Variants in SUPV3L1 observed in about 807,000 individuals in gnomAD.
The protein encoded by SUPV3L1 is ATP-dependent RNA helicase SUPV3L1, mitochondrial.
SUPV3L1 carries 35 observed loss-of-function variants against 70.0 expected under a neutral mutation model. The observed-to-expected ratio is 0.50, with a 90% CI of 0.38 to 0.66. The LOEUF (loss-of-function observed/expected upper bound fraction) is 0.66, where lower values mean the gene tolerates loss of function less well. Among genes scored for constraint, SUPV3L1 ranks in the 30% least tolerant of loss-of-function variants. SUPV3L1 has a pLI of 0.00. For missense variants in SUPV3L1, 777 were observed against 961.5 expected (o/e 0.81, Z 2.54); for synonymous variants, 364 against 341.9 (o/e 1.06, Z -0.71).
chr10:69,208,871 C>G lies in SUPV3L1; in HGVS notation c.2197C>G (p.Leu733Val). 1.2e-6 allele frequency: 2 copies of G among 1,614,108 alleles called. No homozygotes were observed. The highest frequency in any genetic ancestry group is 1.7e-6 in the Non-Finnish European group (2 of 1,180,016). The change falls in exon 15 of 15, where the codon CTT (leucine) becomes GTT (valine). Residue 733 changes from leucine (L) to valine (V), a missense_variant. Leu to Val is a conservative substitution (Grantham distance 32). Transcript: ENST00000359655. ...PPSPDAGELS[L>V]ASRLVQQGLL... Reference sequence around the variant, plus strand: ...CAGCCCCGATGCAGGAGAGCTGTCCCTTGCTTCCAGATTGGTGCAGCAAGG... The same window carrying G: ...CAGCCCCGATGCAGGAGAGCTGTCCGTTGCTTCCAGATTGGTGCAGCAAGG...
intron 1 of SUPV3L1, among the ~76,000 whole-genome samples, chr10:69,181,259 T>A (rs1232946095): frequency 1.3e-5 from 2 of 152,030 alleles, no homozygotes; most frequent in Non-Finnish European, 2.9e-5. Context: ...TCAAGGTGAG[T>A]TTCGGGATGA....
chr10:69,197,658 C>T (rs1008423945), intron 8 of SUPV3L1, among the ~76,000 whole-genome samples: 5 of 152,154 alleles, frequency 3.3e-5, no homozygotes, highest in Non-Finnish European at 5.9e-5. Context: ...CAGTCTCAGC[C>T]TCCTGGACTC....
chr10:69,198,181 A>C (rs959268860), intron 8 of SUPV3L1, among the ~76,000 whole-genome samples, 191 bp from the exon 9 acceptor site: 1 of 152,226 alleles, frequency 6.6e-6, no homozygotes, highest in Admixed American at 6.5e-5. Flanking sequence ...ATTAATTTAG[A>C]GATGCCAATG....
At chr10:69,186,610 T>G in intron 3 of SUPV3L1, 60 bp downstream of exon 3, 1 of 1,390,532 alleles carries the variant, frequency 7.2e-7, no homozygotes, top group South Asian at 1.2e-5. Context: ...CTTCTCATAC[T>G]TCATGCTCAT....
At chr10:69,207,142 A>G (rs999525244) in intron 13 of SUPV3L1, among the ~76,000 whole-genome samples, 2 of 152,158 alleles carry the variant, frequency 1.3e-5, no homozygotes, top group Admixed American at 6.5e-5. Flanking sequence ...AGAACATCAC[A>G]TATTCCTAAA....
intron 13 of SUPV3L1, among the ~76,000 whole-genome samples, chr10:69,206,500 ATAT>A (rs1842832616): frequency 6.6e-6 from 1 of 152,184 alleles, no homozygotes; most frequent in African/African-American, 2.4e-5. Flanking sequence ...GTGATGTATA[ATAT>A]TGCCTAATTC....
intron 7 of SUPV3L1, 127 bp downstream of exon 7, chr10:69,195,392 A>T (rs915446887): frequency 1.0e-5 from 5 of 488,040 alleles, no homozygotes; most frequent in Non-Finnish European, 1.7e-5. Context: ...AAAAAAGTAA[A>T]CTAAGTATGA....
At chr10:69,207,324 T>C (rs1842856319) in intron 13 of SUPV3L1, among the ~76,000 whole-genome samples, 2 of 152,120 alleles carry the variant, frequency 1.3e-5, no homozygotes, top group South Asian at 4.1e-4. Context: ...GAAATCATCT[T>C]TTTTTGTTTT....
intron 1 of SUPV3L1, among the ~76,000 whole-genome samples, chr10:69,183,741 G>A (rs1278666025): frequency 3.3e-5 from 5 of 152,118 alleles, no homozygotes; most frequent in African/African-American, 1.2e-4. Flanking sequence ...CCCTTTAAAA[G>A]TGTATAATTC....
chr10:69,190,017 G>A (rs367650660), intron 5 of SUPV3L1, among the ~76,000 whole-genome samples: 1 of 152,190 alleles, frequency 6.6e-6, no homozygotes, highest in Non-Finnish European at 1.5e-5. Flanking sequence ...TACAGTGAAT[G>A]AAATACAATA....
rs1283323789 is a variant in SUPV3L1 at position 69,208,766 on chromosome 10, C to A, written c.2092C>A (p.Arg698=). The A allele has an allele frequency of 6.2e-7, 1 of 1,613,992 alleles. No individual in the cohort carries two copies. The highest frequency in any genetic ancestry group is 8.5e-7 in the Non-Finnish European group (1 of 1,180,046). The change falls in exon 15 of 15, where the codon CGA becomes AGA. Residue 698 remains arginine, a synonymous_variant. Transcript: ENST00000359655. ...GGGCTTTCCATCAGGGAGCCAGTCA[C>A]GATTGTCAGGAACCTTAAAGAGCCA... The part of the protein sequence containing the change: ...LEGFPSGSQS[R]LSGTLKSQAR...
At chr10:69,205,766 C>T (rs1314942673) in intron 13 of SUPV3L1, among the ~76,000 whole-genome samples, 1 of 152,192 alleles carries the variant, frequency 6.6e-6, no homozygotes, top group Non-Finnish European at 1.5e-5. Context: ...AACTCCTGAC[C>T]TCAAGTGATC....
intron 13 of SUPV3L1, among the ~76,000 whole-genome samples, chr10:69,204,418 T>G (rs970242327): frequency 3.3e-5 from 5 of 152,130 alleles, no homozygotes; most frequent in Non-Finnish European, 7.4e-5. Flanking sequence ...GCTCTAAACT[T>G]ATTTTTTAAA....
At chr10:69,199,965 C>T (rs1223548003) in intron 10 of SUPV3L1, among the ~76,000 whole-genome samples, 1 of 152,084 alleles carries the variant, frequency 6.6e-6, no homozygotes, top group Non-Finnish European at 1.5e-5. Flanking sequence ...GTGCCTCAGC[C>T]CCCCGAGTAC....
Position 69,198,448 on chromosome 10 carries a change from G to A in SUPV3L1, c.1100G>A (p.Gly367Glu). The change falls in exon 9 of 15, where the codon GGG (glycine) becomes GAG (glutamate). Residue 367 changes from glycine (G) to glutamate (E), a missense_variant. Around this residue, in one of 2 missense-constraint regions of SUPV3L1, gnomAD observed 619 missense variants for 823.3 expected, o/e 0.75. Transcript: ENST00000359655. ...GAATCTTTAGATAACCTTCGGCCTG[G>A]GGACTGCATTGTCTGTTTTAGCAAG... ...ALESLDNLRP[G>E]DCIVCFSKND... 6.2e-7 allele frequency: 1 copy of A among 1,613,996 alleles called. No homozygotes were observed. The highest frequency in any genetic ancestry group is 8.5e-7 in the Non-Finnish European group (1 of 1,179,982).
At chr10:69,183,920 C>T (rs1053818851) in intron 1 of SUPV3L1, among the ~76,000 whole-genome samples, 2 of 149,420 alleles carry the variant, frequency 1.3e-5, no homozygotes, top group Non-Finnish European at 3.0e-5. Context: ...CACTAATCCA[C>T]ATTCTGTCTG....
intron 4 of SUPV3L1, among the ~76,000 whole-genome samples, chr10:69,188,358 T>A (rs573269619): frequency 6.6e-6 from 1 of 152,292 alleles, no homozygotes; most frequent in East Asian, 1.9e-4. Flanking sequence ...TCTGCTTGGG[T>A]TCCACCTCCC....
rs151083653 is a variant in SUPV3L1 at position 69,203,031 on chromosome 10, T to C, written c.1764T>C (p.Ser588=). ...ACAAGAAGCAGCCTTTTGTGTGTTC[T>C]TCACTGTTACAGGTAAGCCTTTATC... The part of the protein sequence containing the change: ...PINKKQPFVC[S]SLLQFARQYS... The change falls in exon 13 of 15, where the codon TCT becomes TCC. Residue 588 remains serine (S), a synonymous_variant. Coordinates refer to ENST00000359655, the MANE Select transcript of SUPV3L1 (RefSeq NM_003171.5). The C allele has an allele frequency of 2.9e-5, 47 of 1,612,652 alleles. No homozygotes were observed. Among genetic ancestry groups the C allele is most frequent in the Non-Finnish European group, 4.0e-5 (47 of 1,179,494 alleles).
chr10:69,180,766 C>T (rs1393997476), intron 1 of SUPV3L1, among the ~76,000 whole-genome samples: 1 of 152,220 alleles, frequency 6.6e-6, no homozygotes, highest in Non-Finnish European at 1.5e-5. Context: ...AACGCCTCGT[C>T]CCAGAAGCGG....
Sources: allele counts gnomAD v4.1 joint callset (sites outside exome capture counted in the v4.1 genomes callset), GRCh38; gene constraint gnomAD v4.1.1; regional missense constraint gnomAD v4.1.1; transcripts MANE v1.5; gene names NCBI Gene and HGNC (gene_info 2026-07-23, HGNC 2026-07-21).